Variants in VDAC2 observed in about 807,000 individuals in gnomAD.
VDAC2 encodes non-selective voltage-gated ion channel VDAC2.
A neutral mutation model predicts 36.6 loss-of-function variants in VDAC2; 6 were observed. That is an observed-to-expected ratio of 0.16 (90% CI 0.09 to 0.32). VDAC2 has a LOEUF of 0.32. Among genes scored for constraint, VDAC2 ranks in the 10% least tolerant of loss-of-function variants. VDAC2 has a pLI of 1.00. For missense variants in VDAC2, 247 were observed against 346.0 expected (o/e 0.71, Z 2.27); for synonymous variants, 109 against 123.8 (o/e 0.88, Z 0.79).
chr10:75,225,012 T>C (rs1234014666), intron 8 of VDAC2, among the ~76,000 whole-genome samples: 2 of 152,224 alleles, frequency 1.3e-5, no homozygotes, highest in African/African-American at 2.4e-5. Flanking sequence ...TGTACCATGC[T>C]CATACTGCCA....
At chr10:75,211,618 T>A (rs1484611476) in intron 2 of VDAC2, 2 of 1,550,498 alleles carry the variant, frequency 1.3e-6, no homozygotes, top group African/African-American at 2.7e-5. Flanking sequence ...TTGCCTGCCC[T>A]TAAGCAGCAC....
intron 2 of VDAC2, chr10:75,211,779 C>T: frequency 7.8e-7 from 1 of 1,282,860 alleles, no homozygotes; most frequent in East Asian, 2.5e-5. Flanking sequence ...CTTCCCACTC[C>T]AGGGTGTTGG....
intron 4 of VDAC2, 42 bp from the exon 5 acceptor site, chr10:75,219,021 G>A (rs1245811756): frequency 2.5e-6 from 4 of 1,584,286 alleles, no homozygotes; most frequent in Non-Finnish European, 3.4e-6. Flanking sequence ...ATGAATTCTA[G>A]GCTTATGAGA....
chr10:75,230,755 C>T (rs1842078646), intron 9 of VDAC2, 143 bp from the exon 10 acceptor site: 1 of 617,728 alleles, frequency 1.6e-6, no homozygotes, highest in African/African-American at 1.9e-5. Context: ...CAAGCGCCCT[C>T]TGGTGGCCAG....
chr10:75,211,534 C>T, intron 2 of VDAC2: 1 of 1,549,056 alleles, frequency 6.5e-7, no homozygotes, highest in Non-Finnish European at 8.7e-7. Flanking sequence ...TGTGAGAGCG[C>T]AAGGTCATTA....
intron 4 of VDAC2, 105 bp from the exon 5 acceptor site, chr10:75,218,958 A>T: frequency 1.6e-6 from 2 of 1,233,522 alleles, no homozygotes; most frequent in Non-Finnish European, 2.2e-6. Flanking sequence ...AGGATTCATG[A>T]ATTTACCAAA....
chr10:75,215,239 T>G (rs1442692488), intron 4 of VDAC2, among the ~76,000 whole-genome samples: 1 of 151,988 alleles, frequency 6.6e-6, no homozygotes, highest in African/African-American at 2.4e-5. Context: ...TGTGAAATTT[T>G]TTTTACTTAA....
At chr10:75,222,470 T>C (rs1438317552) in intron 8 of VDAC2, 68 bp downstream of exon 8, 5 of 1,570,788 alleles carry the variant, frequency 3.2e-6, no homozygotes, top group Non-Finnish European at 4.3e-6. Flanking sequence ...TATACTGAAT[T>C]ATGTTGAAAA....
chr10:75,227,226 A>C (rs950864467), intron 8 of VDAC2, among the ~76,000 whole-genome samples: 3 of 152,146 alleles, frequency 2.0e-5, no homozygotes, highest in Non-Finnish European at 2.9e-5. Context: ...TCTGTGTGCC[A>C]CCCTAGGAAA....
intron 4 of VDAC2, among the ~76,000 whole-genome samples, chr10:75,215,934 C>G (rs1428432356): frequency 1.3e-5 from 2 of 152,054 alleles, no homozygotes; most frequent in South Asian, 4.1e-4. Context: ...GTTGGCCAGT[C>G]TGGTCTTAAA....
intron 8 of VDAC2, among the ~76,000 whole-genome samples, chr10:75,228,579 G>A (rs1842024416): frequency 6.6e-6 from 1 of 152,214 alleles, no homozygotes; most frequent in Non-Finnish European, 1.5e-5. Flanking sequence ...GATGGTCATT[G>A]GTAGCTCATG....
intron 4 of VDAC2, among the ~76,000 whole-genome samples, chr10:75,215,340 T>C (rs909488559): frequency 1.3e-4 from 19 of 151,876 alleles, no homozygotes; most frequent in African/African-American, 4.4e-4. Context: ...TATGTATATA[T>C]ATAGAGAGAG....
chr10:75,219,161 A>G lies in VDAC2; in HGVS notation c.249A>G (p.Thr83=). ...GGTGTGAGTATGGTCTGACTTTCACAGAAAAGTGGAACACTGATAACACTC... is the reference window on the plus strand; with the variant it reads ...GGTGTGAGTATGGTCTGACTTTCACGGAAAAGTGGAACACTGATAACACTC... ...YKWCEYGLTF[T]EKWNTDNTLG... Residue 83 remains threonine (T), a synonymous_variant, in exon 5 of 10, where the codon ACA becomes ACG. Transcript: ENST00000332211. 1 of 1,613,078 alleles carries G rather than the reference A, an allele frequency of 6.2e-7. No homozygotes were observed. The highest frequency in any genetic ancestry group is 1.3e-5 in the African/African-American group (1 of 75,064).
chr10:75,211,797 C>T (rs1412746438), intron 2 of VDAC2: 1 of 1,123,626 alleles, frequency 8.9e-7, no homozygotes, highest in East Asian at 2.6e-5. Context: ...TGGTTTTCCC[C>T]TCAGCGAAGA....
At chr10:75,216,369 T>C (rs1841605373) in intron 4 of VDAC2, among the ~76,000 whole-genome samples, 1 of 152,184 alleles carries the variant, frequency 6.6e-6, no homozygotes, top group Admixed American at 6.5e-5. Flanking sequence ...GAATAGATTG[T>C]TGTGTATAGG....
chr10:75,222,333 A>G lies in VDAC2; in HGVS notation c.666A>G (p.Thr222=), dbSNP rs373740236. Residue 222 remains threonine, a synonymous_variant, in exon 8 of 10, where the codon ACA becomes ACG. Coordinates refer to ENST00000332211, the MANE Select transcript of VDAC2 (RefSeq NM_001391963.1). ...DLDTSVNLAW[T]SGTNCTRFGI... ...ACACTTCAGTAAACCTTGCTTGGAC[A>G]TCAGGTACCAACTGCACTCGTTTTG... 26 of 1,614,182 alleles carry G rather than the reference A, an allele frequency of 1.6e-5. No homozygotes were observed. Among genetic ancestry groups the G allele is most frequent in the Non-Finnish European group, 2.2e-5 (26 of 1,180,024 alleles).
chr10:75,211,757 G>C lies in VDAC2; in HGVS notation c.32-473G>C, dbSNP rs551636425. ...CCAAGTTTCAATATTTAAATTCCCA[G>C]TATTAAATTCTCTTCCCACTCCAGG... On this transcript the variant is annotated intron_variant, in intron 2 of 9. Transcript: ENST00000332211. The C allele has an allele frequency of 7.8e-5, 112 of 1,428,872 alleles. 1 individual carries two copies. Among genetic ancestry groups the C allele is most frequent in the Admixed American group, 2.4e-4 (12 of 50,174 alleles). 88.5% of individuals were successfully genotyped at this position (1,428,872 alleles called of 1,614,324 possible).
chr10:75,222,368 C>G lies in VDAC2; in HGVS notation c.701C>G (p.Ala234Gly). ...AACTGCACTCGTTTTGGCATTGCAGCTAAATATCAGTTGGATCCCACTGCT... is the reference window on the plus strand; with the variant it reads ...AACTGCACTCGTTTTGGCATTGCAGGTAAATATCAGTTGGATCCCACTGCT... Reference protein sequence around the residue: ...GTNCTRFGIAAKYQLDPTASI... With the variant: ...GTNCTRFGIAGKYQLDPTASI... Residue 234 changes from alanine (A) to glycine (G), a missense_variant, in exon 8 of 10, where the codon GCT becomes GGT. This residue lies in a region of VDAC2 where 159 missense variants were observed against 234.0 expected (regional missense o/e 0.68). Transcript: ENST00000332211. The G allele has an allele frequency of 6.2e-7, 1 of 1,614,194 alleles. No homozygotes were observed. Among genetic ancestry groups the G allele is most frequent in the Non-Finnish European group, 8.5e-7 (1 of 1,180,016 alleles).
chr10:75,213,965 ATGC>A (rs1564709445), intron 3 of VDAC2, 53 bp from the exon 4 acceptor site: 41 of 1,565,014 alleles, frequency 2.6e-5, no homozygotes, highest in Non-Finnish European at 3.3e-5. Context: ...AACAATTGCT[ATGC>A]ATCTTTCATA....
Sources: allele counts gnomAD v4.1 joint callset (sites outside exome capture counted in the v4.1 genomes callset), GRCh38; gene constraint gnomAD v4.1.1; regional missense constraint gnomAD v4.1.1; transcripts MANE v1.5; gene names NCBI Gene and HGNC (gene_info 2026-07-23, HGNC 2026-07-21).